Variants in SPRR2D observed in about 807,000 individuals in gnomAD.
SPRR2D encodes the protein small proline rich protein 2D, also known as small proline-rich protein 2D.
For synonymous variants in SPRR2D, 43 were observed against 32.8 expected, an observed-to-expected ratio of 1.31 and a Z score of -1.06; for missense variants, 81 against 87.2, an observed-to-expected ratio of 0.93 and a Z score of 0.28.
Position 153,040,367 on chromosome 1 carries a change from T to C in SPRR2D, c.-19-2A>G, listed in dbSNP as rs1359836011. 1 of 1,610,596 alleles carries C rather than the reference T, an allele frequency of 6.2e-7. No individual in the cohort carries two copies. Among genetic ancestry groups the C allele is most frequent in the Admixed American group, 1.7e-5 (1 of 60,010 alleles). The stretch of plus-strand genomic sequence containing the variant: ...GACATCCTGCTGGAGTCTCAGGATC[T>C]GAAAGAAATGATACAACAGTGTTTG... On this transcript the variant is annotated splice_acceptor_variant, in intron 1 of 1. Coordinates refer to ENST00000360379, the MANE Select transcript of SPRR2D (RefSeq NM_006945.5). LOFTEE classifies it low-confidence loss of function (5UTR_SPLICE).
In SPRR2D at chr1:153,040,086, A is replaced by G; in HGVS notation, c.*42T>C. On this transcript the variant is annotated 3_prime_UTR_variant, in exon 2 of 2. Transcript: ENST00000360379. ...TGGAGCTGTGGAACGAGGTGAGCCAATTATCCTTATCCTCTCATGCTCCTG... is the reference window on the plus strand; with the variant it reads ...TGGAGCTGTGGAACGAGGTGAGCCAGTTATCCTTATCCTCTCATGCTCCTG... 3 of 1,592,534 alleles carry G rather than the reference A, an allele frequency of 1.9e-6. No homozygotes were observed. The highest frequency in any genetic ancestry group is 2.6e-6 in the Non-Finnish European group (3 of 1,169,178).
At position 153,040,235 on chromosome 1, in the gene SPRR2D, A is replaced by G. The variant is rs41290408; in HGVS notation, c.112T>C (p.Ser38Pro). 3.6e-4 allele frequency: 575 copies of G among 1,612,454 alleles called. No individual in the cohort carries two copies. Among genetic ancestry groups the G allele is most frequent in the Middle Eastern group, 4.0e-4 (2 of 5,028 alleles). The change falls in exon 2 of 2, where the codon TCA (serine) becomes CCA (proline). Residue 38 changes from serine (S) to proline (P), a missense_variant. Coordinates refer to ENST00000360379, the MANE Select transcript of SPRR2D (RefSeq NM_006945.5). ...GGGCAGGGCTGTGGACACTTTGGTG[A>G]TGGGCAGGGCTCAGGGCACTTCGGG... The part of the protein sequence containing the change: ...PPPKCPEPCP[S>P]PKCPQPCPPQ...
intron 1 of SPRR2D, 84 bp from the exon 2 acceptor site, chr1:153,040,449 T>C: frequency 6.4e-7 from 1 of 1,569,340 alleles, no homozygotes; most frequent in Non-Finnish European, 8.6e-7. Flanking sequence ...CATGAAATAT[T>C]ATTTCCCCAT....
In SPRR2D at chr1:153,040,614, G is replaced by A. The variant is rs796268071; in HGVS notation, c.-19-249C>T. 1.5e-5 allele frequency: 10 copies of A among 655,638 alleles called. No individual in the cohort carries two copies. The African/African-American group carries it at 1.8e-4, about 12-fold the overall frequency. 40.6% of individuals were successfully genotyped at this position (655,638 alleles called of 1,614,324 possible). A position where few individuals can be genotyped will look rare whatever the true frequency, so the allele number is the denominator to read the frequency against. On this transcript the variant is annotated intron_variant, in intron 1 of 1. Transcript: ENST00000360379. ...ATCTCTGTAGTAATGAACCAAGCAT[G>A]TTATTTCTGTGAAAATAACATCTTT... is the stretch of plus-strand genomic sequence containing the variant.
rs1653958481 is a variant in SPRR2D, at chr1:153,040,377, G to A, written c.-19-12C>T. The A allele has an allele frequency of 6.2e-7, 1 of 1,609,986 alleles. No individual in the cohort carries two copies. The highest frequency in any genetic ancestry group is 1.7e-5 in the Admixed American group (1 of 59,992). On this transcript the variant is annotated splice_polypyrimidine_tract_variant and intron_variant, in intron 1 of 1. Coordinates refer to ENST00000360379, the MANE Select transcript of SPRR2D (RefSeq NM_006945.5). Reference sequence around the variant, plus strand: ...TGGAGTCTCAGGATCTGAAAGAAATGATACAACAGTGTTTGTGGGAAGGGA... The same window carrying A: ...TGGAGTCTCAGGATCTGAAAGAAATAATACAACAGTGTTTGTGGGAAGGGA...
In SPRR2D at chr1:153,039,988, AC is replaced by A. The variant is rs759846844; in HGVS notation, c.*139del. The A allele has an allele frequency of 4.2e-5, 62 of 1,467,234 alleles. No individual in the cohort carries two copies. The highest frequency in any genetic ancestry group is 5.3e-5 in the Non-Finnish European group (58 of 1,090,690). The allele number at this position is 1,467,234 out of a possible 1,614,324, so 90.9% of individuals were successfully genotyped here. ...GAATCTTTTGCTGTCACAGATCATC[AC>A]AGGCAGGCCACAGGTTAAGGAGAAA... is the stretch of plus-strand genomic sequence containing the variant. On this transcript the variant is annotated 3_prime_UTR_variant, in exon 2 of 2. Coordinates refer to ENST00000360379, the MANE Select transcript of SPRR2D (RefSeq NM_006945.5).
intron 1 of SPRR2D, 91 bp from the exon 2 acceptor site, chr1:153,040,456 C>A: frequency 6.4e-7 from 1 of 1,554,298 alleles, no homozygotes; most frequent in South Asian, 1.2e-5. Context: ...TATTATTTCC[C>A]CATCTCCAAG....
At position 153,040,454 on chromosome 1, in the gene SPRR2D, C is replaced by T. The variant is rs1653960777; in HGVS notation, c.-19-89G>A. 10 of 1,558,848 alleles carry T rather than the reference C, an allele frequency of 6.4e-6. No homozygotes were observed. In the South Asian group the frequency reaches 8.1e-5, roughly 13 times the overall value. ...TATGTAATACCATGAAATATTATTT[C>T]CCCATCTCCAAGAAATTATTTAAAC... is the stretch of plus-strand genomic sequence containing the variant. On this transcript the variant is annotated intron_variant, in intron 1 of 1. Coordinates refer to ENST00000360379, the MANE Select transcript of SPRR2D (RefSeq NM_006945.5).
intron 1 of SPRR2D, 31 bp from the exon 2 acceptor site, chr1:153,040,396 G>T (rs1024211251): frequency 8.1e-6 from 13 of 1,608,468 alleles, no homozygotes; most frequent in Middle Eastern, 2.2e-4. Flanking sequence ...GTGTTTGTGG[G>T]AAGGGACTCC....
At chr1:153,040,664 T>G in intron 1 of SPRR2D, 1 of 492,996 alleles carries the variant, frequency 2.0e-6, no homozygotes, top group Middle Eastern at 5.8e-4. Flanking sequence ...CAAGTTCAGA[T>G]ACCATGAGCA....
At chr1:153,040,763 T>A in intron 1 of SPRR2D, 1 of 228,036 alleles carries the variant, frequency 4.4e-6, no homozygotes, top group Non-Finnish European at 8.6e-6. Flanking sequence ...TTGGGAAGGA[T>A]TGCAGGCTCT....
chr1:153,040,030 T>C lies in SPRR2D; in HGVS notation c.*98A>G. ...TAAGGAGAAAGAAGCTCCCTGTGCA[T>C]CCATGGAAGGCTTTGGTGAGAAGAT... On this transcript the variant is annotated 3_prime_UTR_variant, in exon 2 of 2. Transcript: ENST00000360379. The C allele has an allele frequency of 4.5e-6, 7 of 1,540,878 alleles. No homozygotes were observed. Among genetic ancestry groups the C allele is most frequent in the Non-Finnish European group, 6.1e-6 (7 of 1,142,384 alleles).
chr1:153,040,186 T>C lies in SPRR2D; in HGVS notation c.161A>G (p.Tyr54Cys), dbSNP rs772659700. The stretch of plus-strand genomic sequence containing the variant: ...GGGTGGGGAAGGTGTCACAGGAGGA[T>C]ATTTCTGCTGGCACTGCTGAGGTGG... Reference protein sequence around the residue: ...PCPPQQCQQKYPPVTPSPPCQ... With the variant: ...PCPPQQCQQKCPPVTPSPPCQ... The change falls in exon 2 of 2, where the codon TAT (tyrosine) becomes TGT (cysteine). Residue 54 changes from tyrosine to cysteine, a missense_variant. Transcript: ENST00000360379. The C allele has an allele frequency of 1.4e-5, 22 of 1,612,914 alleles. No homozygotes were observed. In the African/African-American group the frequency reaches 2.1e-4, roughly 16 times the overall value.
At chr1:153,040,579 CA>C (rs879925358) in intron 1 of SPRR2D, 9 of 836,884 alleles carry the variant, frequency 1.1e-5, no homozygotes, top group Non-Finnish European at 1.6e-5. Flanking sequence ...ACAATTTTTC[CA>C]AAGAAAATAT....
rs753457867 is a variant in SPRR2D, at chr1:153,040,252, C to T, written c.95G>A (p.Cys32Tyr). The T allele has an allele frequency of 5.6e-6, 9 of 1,612,540 alleles. No homozygotes were observed. ...KCPEPCPPPKCPEPCPSPKCP... is the reference protein window; with the variant it reads ...KCPEPCPPPKYPEPCPSPKCP... ...CTTTGGTGATGGGCAGGGCTCAGGG[C>T]ACTTCGGGGGTGGACATGGCTCTGG... The change falls in exon 2 of 2, where the codon TGC becomes TAC. Residue 32 changes from cysteine to tyrosine, a missense_variant. By Grantham distance (194) the Cys-to-Tyr change is radical. Transcript: ENST00000360379.
rs763867390 is a variant in SPRR2D at position 153,041,098 on chromosome 1, G to A, written c.-40C>T. 4.6e-5 allele frequency: 7 copies of A among 153,392 alleles called. No homozygotes were observed. The highest frequency in any genetic ancestry group is 2.0e-4 in the South Asian group (1 of 4,882). The allele number at this position is 153,392 out of a possible 1,614,324, so 9.5% of individuals were successfully genotyped here. ...CTCACCAGGTTCTCCAAAGCAGATC[G>A]GTGCTAGAGTACCAGGAGTTTAAGA... On this transcript the variant is annotated 5_prime_UTR_variant, in exon 1 of 2. Transcript: ENST00000360379.
In SPRR2D at chr1:153,040,204, T is replaced by A. The variant is rs1464507623; in HGVS notation, c.143A>T (p.Gln48Leu). 1 of 1,612,896 alleles carries A rather than the reference T, an allele frequency of 6.2e-7. No individual in the cohort carries two copies. Among genetic ancestry groups the A allele is most frequent in the East Asian group, 2.2e-5 (1 of 44,878 alleles). Residue 48 changes from glutamine to leucine, a missense_variant, in exon 2 of 2, where the codon CAG (glutamine) becomes CTG (leucine). By Grantham distance (113) the Gln-to-Leu change is moderately radical. Transcript: ENST00000360379. ...SPKCPQPCPP[Q>L]QCQQKYPPVT... ...AGGAGGATATTTCTGCTGGCACTGCTGAGGTGGGCAGGGCTGTGGACACTT... is the reference window on the plus strand; with the variant it reads ...AGGAGGATATTTCTGCTGGCACTGCAGAGGTGGGCAGGGCTGTGGACACTT...
rs1270871805 is a variant in SPRR2D, at chr1:153,040,127, G to A, written c.*1C>T. 6.2e-7 allele frequency: 1 copy of A among 1,612,400 alleles called. No individual in the cohort carries two copies. The highest frequency in any genetic ancestry group is 8.5e-7 in the Non-Finnish European group (1 of 1,179,690). The stretch of plus-strand genomic sequence containing the variant: ...CATGCTCCTGATGAATCCTGAAGCT[G>A]TTACTTGCTCTTGGGTGGACACTTT... On this transcript the variant is annotated 3_prime_UTR_variant, in exon 2 of 2. Coordinates refer to ENST00000360379, the MANE Select transcript of SPRR2D (RefSeq NM_006945.5).
At position 153,039,931 on chromosome 1, in the gene SPRR2D, T is replaced by A; in HGVS notation, c.*197A>T. ...AGGACTTCCTTTTCTTAGCTCCACC[T>A]GGACAGTGGCAGTATGGCAGCCTCA... On this transcript the variant is annotated 3_prime_UTR_variant, in exon 2 of 2. Coordinates refer to ENST00000360379, the MANE Select transcript of SPRR2D (RefSeq NM_006945.5). 2 of 1,141,390 alleles carry A rather than the reference T, an allele frequency of 1.8e-6. No individual in the cohort carries two copies. Among genetic ancestry groups the A allele is most frequent in the Non-Finnish European group, 2.4e-6 (2 of 818,166 alleles). The allele number at this position is 1,141,390 out of a possible 1,614,324, so 70.7% of individuals were successfully genotyped here.
Sources: gnomAD v4.1 joint callset for allele counts on GRCh38, gnomAD v4.1.1 for gene constraint, MANE v1.5 for transcripts, NCBI Gene and HGNC (gene_info 2026-07-23, HGNC 2026-07-21) for gene names.